Variants in COLEC10 observed in about 807,000 individuals in gnomAD.
COLEC10 encodes collectin-10.
COLEC10 carries 22 observed loss-of-function variants against 28.4 expected under a neutral mutation model. The observed-to-expected ratio is 0.78, with a 90% CI of 0.55 to 1.11. COLEC10 has a LOEUF of 1.11. Ranked by LOEUF, COLEC10 falls within the 50% of genes least tolerant of loss-of-function variation. The pLI, the probability that COLEC10 is intolerant of heterozygous loss-of-function variation, is 0.00. For synonymous variants in COLEC10, 125 were observed against 116.1 expected (o/e 1.08, Z -0.49); for missense variants, 361 against 344.1 (o/e 1.05, Z -0.39).
At chr8:118,960,131 G>A in the COLEC10 span, among the ~76,000 whole-genome samples, 1 of 152,136 alleles carries the variant, frequency 6.6e-6, no homozygotes, top group African/African-American at 2.4e-5. Context: ...ACCCAGAGGT[G>A]GATAAGAGTT....
At chr8:118,987,035 T>C in the COLEC10 span, among the ~76,000 whole-genome samples, 31 of 152,304 alleles carry the variant, frequency 2.0e-4, no homozygotes, top group Non-Finnish European at 3.2e-4. Flanking sequence ...TTTTATGTTA[T>C]GTGAATTTCA....
chr8:119,055,345 T>C (rs889038122), intron 2 of COLEC10, among the ~76,000 whole-genome samples: 1 of 152,022 alleles, frequency 6.6e-6, no homozygotes, highest in Non-Finnish European at 1.5e-5. Context: ...TGTATAGCAA[T>C]GAGAGAGAAA....
chr8:118,993,720 A>T (rs74372103), upstream of COLEC10, among the ~76,000 whole-genome samples: 2,582 of 152,284 alleles, frequency 0.017, 63 homozygotes, highest in African/African-American at 0.058. Flanking sequence ...TGGTCATATT[A>T]AATGAGGGCG....
chr8:118,977,713 T>A, the COLEC10 span, among the ~76,000 whole-genome samples: 7 of 144,722 alleles, frequency 4.8e-5, no homozygotes, highest in Admixed American at 2.1e-4. Flanking sequence ...AACCTGCACA[T>A]TGTGCACATG....
At chr8:119,044,832 G>A (rs1327660370) in intron 2 of COLEC10, among the ~76,000 whole-genome samples, 1 of 150,548 alleles carries the variant, frequency 6.6e-6, no homozygotes, top group Non-Finnish European at 1.5e-5. Context: ...ATGACAGAGT[G>A]AGACTGTCTC....
intron 1 of COLEC10, among the ~76,000 whole-genome samples, chr8:119,008,150 C>A (rs1813839630): frequency 1.3e-5 from 2 of 150,950 alleles, no homozygotes; most frequent in Non-Finnish European, 1.5e-5. Flanking sequence ...AAGACCCACA[C>A]AACTGAATTC....
chr8:118,991,073 G>T (rs940195395), upstream of COLEC10, among the ~76,000 whole-genome samples: 30 of 151,972 alleles, frequency 2.0e-4, no homozygotes, highest in African/African-American at 7.0e-4. Flanking sequence ...CTAGGAAACA[G>T]TTTTTAGTTA....
intron 1 of COLEC10, among the ~76,000 whole-genome samples, chr8:119,003,149 A>C (rs1813731888): frequency 6.6e-6 from 1 of 152,150 alleles, no homozygotes; most frequent in Non-Finnish European, 1.5e-5. Context: ...AAAATGTGAC[A>C]GTTATAACAG....
chr8:118,976,300 CTCTT>C, the COLEC10 span, among the ~76,000 whole-genome samples: 4 of 152,016 alleles, frequency 2.6e-5, no homozygotes. Flanking sequence ...TAAAAAGTAA[CTCTT>C]TCTAAGCCTG....
At chr8:119,064,181 C>T (rs1428612925), upstream of COLEC10, among the ~76,000 whole-genome samples, 1 of 152,034 alleles carries the variant, frequency 6.6e-6, no homozygotes, top group Admixed American at 6.6e-5. Context: ...TCATCTTTCC[C>T]ATTTTAAAAT....
At chr8:119,022,680 T>C (rs1210867365) in intron 2 of COLEC10, among the ~76,000 whole-genome samples, 6 of 152,070 alleles carry the variant, frequency 3.9e-5, no homozygotes, top group African/African-American at 1.4e-4. Context: ...ACCTGGATTG[T>C]TGCAGGAGCC....
intron 2 of COLEC10, among the ~76,000 whole-genome samples, chr8:119,058,793 G>T (rs1362134541): frequency 6.6e-6 from 1 of 152,012 alleles, no homozygotes; most frequent in Non-Finnish European, 1.5e-5. Context: ...GAATTTAATT[G>T]CTGGATTATG....
intron 2 of COLEC10, among the ~76,000 whole-genome samples, chr8:119,037,294 C>A (rs941480200): frequency 4.6e-5 from 7 of 152,210 alleles, no homozygotes; most frequent in Non-Finnish European, 1.0e-4. Flanking sequence ...ACTTATTCAT[C>A]ACACTTTTAC....
chr8:119,017,923 G>A (rs1457326147), intron 2 of COLEC10, among the ~76,000 whole-genome samples: 1 of 152,050 alleles, frequency 6.6e-6, no homozygotes, highest in Non-Finnish European at 1.5e-5. Context: ...CTTGAGGGAG[G>A]GCAAAACTTG....
At chr8:119,025,168 T>C (rs548835611) in intron 2 of COLEC10, among the ~76,000 whole-genome samples, 120 of 152,322 alleles carry the variant, frequency 7.9e-4, no homozygotes, top group African/African-American at 2.6e-3. Flanking sequence ...AGTTCATGCA[T>C]TTGATCTTTG....
chr8:118,976,676 G>A, the COLEC10 span: 1 of 152,188 alleles, frequency 6.6e-6, no homozygotes, highest in South Asian at 2.1e-4. Context: ...TACCATTCAG[G>A]ACATAGGCAT....
At chr8:119,068,503 C>G (rs558673409) in intron 1 of COLEC10, 1 of 152,244 alleles carries the variant, frequency 6.6e-6, no homozygotes, top group South Asian at 2.1e-4. Flanking sequence ...AAAGTATTTG[C>G]TTAAAACCGT....
At chr8:119,085,599 C>CTTTTTTTTTTT (rs66829005) in intron 1 of COLEC10, among the ~76,000 whole-genome samples, 62 of 63,550 alleles carry the variant, frequency 9.8e-4, no homozygotes, top group Non-Finnish European at 1.3e-3. Context: ...TCTTCTTCTT[C>CTTTTTTTTTTT]TTTTTTTTTT....
chr8:119,035,603 G>A (rs568382213), intron 2 of COLEC10, among the ~76,000 whole-genome samples: 15 of 152,258 alleles, frequency 9.9e-5, no homozygotes, highest in African/African-American at 3.6e-4. Context: ...TCATCTTTGA[G>A]GATTGCCCCA....
Sources: allele counts gnomAD v4.1 joint callset (sites outside exome capture counted in the v4.1 genomes callset), GRCh38; gene constraint gnomAD v4.1.1; transcripts MANE v1.5; gene names NCBI Gene and HGNC (gene_info 2026-07-23, HGNC 2026-07-21).